DIPK1B: variants seen among roughly 807,000 people sequenced by gnomAD.
DIPK1B encodes divergent protein kinase domain 1B, also known as family with sequence similarity 69 member B.
DIPK1B carries 17 observed loss-of-function variants against 20.7 expected under a neutral mutation model. That is an observed-to-expected ratio of 0.82 (90% CI 0.56 to 1.23). The LOEUF is 1.23. Among genes scored for constraint, DIPK1B ranks in the 50% most tolerant of loss-of-function variants. DIPK1B has a pLI of 0.00. For missense variants in DIPK1B, 648 were observed against 601.8 expected, an observed-to-expected ratio of 1.08 and a Z score of -0.80; for synonymous variants, 343 against 276.5, an observed-to-expected ratio of 1.24 and a Z score of -2.39.
chr9:136,718,824 C>T (rs1484363950), intron 2 of DIPK1B, among the ~76,000 whole-genome samples: 1 of 152,206 alleles, frequency 6.6e-6, no homozygotes, highest in East Asian at 1.9e-4. Context: ...CCCACAGAGC[C>T]ATGTCTGACG....
Position 136,712,590 on chromosome 9 carries a change from C to T in DIPK1B, c.-76C>T, listed in dbSNP as rs930214753. The T allele has an allele frequency of 2.6e-5, 17 of 661,086 alleles. No homozygotes were observed. Among genetic ancestry groups the T allele is most frequent in the African/African-American group, 4.0e-5 (2 of 50,378 alleles). 41.0% of individuals were successfully genotyped at this position (661,086 alleles called of 1,614,324 possible). ...GGCCCGCATGGCGAGGGAGCGGCGG[C>T]CGCTGCGGGCCGGGCCGGGCCGGGG... On this transcript the variant is annotated 5_prime_UTR_variant, in exon 1 of 5. Coordinates refer to ENST00000371692, the MANE Select transcript of DIPK1B (RefSeq NM_152421.4). This position sits in a 1 kb window ranked among gnomAD's most constrained non-coding sequence, Gnocchi z 5.6.
intron 2 of DIPK1B, among the ~76,000 whole-genome samples, chr9:136,720,502 C>T (rs1846581506): frequency 6.6e-6 from 1 of 152,200 alleles, no homozygotes; most frequent in South Asian, 2.1e-4. Flanking sequence ...CAGCTCCATC[C>T]CTCCATCACC....
intron 4 of DIPK1B, 200 bp downstream of exon 4, chr9:136,722,501 G>T (rs1403801438): frequency 7.5e-6 from 5 of 665,878 alleles, no homozygotes; most frequent in Non-Finnish European, 1.0e-5. Flanking sequence ...AAGGGTTGGG[G>T]GCGCCGGTGG....
chr9:136,712,747 CG>C lies in DIPK1B; in HGVS notation c.63+20del. 1 of 1,331,730 alleles carries C rather than the reference CG, an allele frequency of 7.5e-7. No homozygotes were observed. 82.5% of individuals were successfully genotyped at this position (1,331,730 alleles called of 1,614,324 possible). A position where few individuals can be genotyped will look rare whatever the true frequency, so the allele number is the denominator to read the frequency against. ...CCTGCAGGTAAGCGCGGTGCGCGCCCGCCGCCCCCGGCCGCCTCTGCCTGGG... is the reference window on the plus strand; with the variant it reads ...CCTGCAGGTAAGCGCGGTGCGCGCCCCCGCCCCCGGCCGCCTCTGCCTGGG... On this transcript the variant is annotated intron_variant, in intron 1 of 4. Transcript: ENST00000371692. This position sits in a 1 kb window ranked among gnomAD's most constrained non-coding sequence, Gnocchi z 5.6.
At chr9:136,722,422 C>A in intron 4 of DIPK1B, 121 bp downstream of exon 4, 1 of 1,126,054 alleles carries the variant, frequency 8.9e-7, no homozygotes, top group Non-Finnish European at 1.3e-6. Context: ...GGACCCTGGG[C>A]AGACCTCCCA....
chr9:136,721,685 G>A (rs2131046977), intron 2 of DIPK1B: 1 of 538,274 alleles, frequency 1.9e-6, no homozygotes, highest in East Asian at 3.2e-5. Flanking sequence ...ACAGGAGCCA[G>A]GATGGTGGGG....
chr9:136,722,061 G>A, intron 3 of DIPK1B, 33 bp downstream of exon 3: 1 of 1,613,418 alleles, frequency 6.2e-7, no homozygotes, highest in Non-Finnish European at 8.5e-7. Context: ...TGGGCCTGGG[G>A]CTGATACTGC....
chr9:136,722,034 G>C lies in DIPK1B; in HGVS notation c.306+6G>C. 1.2e-6 allele frequency: 2 copies of C among 1,613,460 alleles called. No homozygotes were observed. The highest frequency in any genetic ancestry group is 8.5e-7 in the Non-Finnish European group (1 of 1,179,922). On this transcript the variant is annotated splice_donor_region_variant and intron_variant, in intron 3 of 4. Coordinates refer to ENST00000371692, the MANE Select transcript of DIPK1B (RefSeq NM_152421.4). Reference sequence around the variant, plus strand: ...CGGTGGCCCCGGGCCAGCAGGTATAGCCACTGGCAGGGCGGGTGGGCCTGG... The same window carrying C: ...CGGTGGCCCCGGGCCAGCAGGTATACCCACTGGCAGGGCGGGTGGGCCTGG...
intron 1 of DIPK1B, among the ~76,000 whole-genome samples, chr9:136,716,849 GTC>G (rs1006068458): frequency 1.3e-5 from 2 of 152,212 alleles, no homozygotes. Flanking sequence ...TAGGGGCAGT[GTC>G]TCTCGCGGTG....
At chr9:136,715,571 A>G (rs536583446) in intron 1 of DIPK1B, among the ~76,000 whole-genome samples, 152 of 151,544 alleles carry the variant, frequency 1.0e-3, no homozygotes, top group Non-Finnish European at 1.7e-3. Context: ...CTGGAGTGCA[A>G]TGGCGCCATC....
chr9:136,715,021 C>T (rs960969127), intron 1 of DIPK1B, among the ~76,000 whole-genome samples: 29 of 152,364 alleles, frequency 1.9e-4, no homozygotes, highest in Admixed American at 1.8e-3. Flanking sequence ...CTGCAGCCCA[C>T]GACCTCTGAT....
Position 136,723,789 on chromosome 9 carries a change from G to T in DIPK1B, c.*15G>T, listed in dbSNP as rs1249930233. The T allele has an allele frequency of 6.5e-7, 1 of 1,531,062 alleles. No individual in the cohort carries two copies. Among genetic ancestry groups the T allele is most frequent in the African/African-American group, 1.4e-5 (1 of 72,924 alleles). The allele number at this position is 1,531,062 out of a possible 1,614,324, so 94.8% of individuals were successfully genotyped here. On this transcript the variant is annotated 3_prime_UTR_variant, in exon 5 of 5. Coordinates refer to ENST00000371692, the MANE Select transcript of DIPK1B (RefSeq NM_152421.4). Reference sequence around the variant, plus strand: ...AGTACTCTTGATGGGGCAGTGAGGGGCCTGGCCACCCTTCCTGGAGCTGGC... The same window carrying T: ...AGTACTCTTGATGGGGCAGTGAGGGTCCTGGCCACCCTTCCTGGAGCTGGC...
intron 2 of DIPK1B, among the ~76,000 whole-genome samples, chr9:136,718,387 G>A (rs1846535765): frequency 6.6e-6 from 1 of 152,186 alleles, no homozygotes; most frequent in South Asian, 2.1e-4. Context: ...TCCACCTCAG[G>A]GAGATAGGGC....
chr9:136,721,793 T>G, intron 2 of DIPK1B, 128 bp from the exon 3 acceptor site: 2 of 764,686 alleles, frequency 2.6e-6, no homozygotes, highest in Non-Finnish European at 4.2e-6. Context: ...GCACTGCCTG[T>G]GTGAGGGGCT....
Position 136,712,709 on chromosome 9 carries a change from C to A in DIPK1B, c.44C>A (p.Pro15His). Residue 15 changes from proline to histidine, a missense_variant, in exon 1 of 5, where the codon CCC becomes CAC. By Grantham distance (77) the Pro-to-His change is moderately conservative (BLOSUM62 -2). Coordinates refer to ENST00000371692, the MANE Select transcript of DIPK1B (RefSeq NM_152421.4). This position sits in a 1 kb window ranked among gnomAD's most constrained non-coding sequence, Gnocchi z 5.6. ...CTGGCGCACCTGGTGCTCTTCTGCC[C>A]CTTCTCCAAGCGCCTGCAGGTAAGC... is the stretch of plus-strand genomic sequence containing the variant. ...RRLAHLVLFCPFSKRLQGRLP... is the reference protein window; with the variant it reads ...RRLAHLVLFCHFSKRLQGRLP... 1 of 1,368,956 alleles carries A rather than the reference C, an allele frequency of 7.3e-7. No homozygotes were observed. The highest frequency in any genetic ancestry group is 9.4e-7 in the Non-Finnish European group (1 of 1,062,380). The allele number at this position is 1,368,956 out of a possible 1,614,324, so 84.8% of individuals were successfully genotyped here.
At position 136,717,660 on chromosome 9, in the gene DIPK1B, C is replaced by T. The variant is rs757738913; in HGVS notation, c.147C>T (p.His49=). Residue 49 remains histidine (H), a synonymous_variant, in exon 2 of 5, where the codon CAC becomes CAT. Coordinates refer to ENST00000371692, the MANE Select transcript of DIPK1B (RefSeq NM_152421.4). Reference sequence around the variant, plus strand: ...CAGGCAGCTGGCTGGTGTACGTGCACTACTCGTCCTACTCGGAGCGCTGTC... The same window carrying T: ...CAGGCAGCTGGCTGGTGTACGTGCATTACTCGTCCTACTCGGAGCGCTGTC... The part of the protein sequence containing the change: ...VFAGSWLVYV[H]YSSYSERCRG... 3.7e-6 allele frequency: 6 copies of T among 1,609,316 alleles called. No homozygotes were observed. The highest frequency in any genetic ancestry group is 2.7e-5 in the African/African-American group (2 of 74,924).
At chr9:136,718,788 C>T (rs1416542849) in intron 2 of DIPK1B, among the ~76,000 whole-genome samples, 1 of 152,190 alleles carries the variant, frequency 6.6e-6, no homozygotes, top group African/African-American at 2.4e-5. Flanking sequence ...ATGAAGCTAG[C>T]CGGGTGGGCC....
chr9:136,717,144 A>G (rs1028681293), intron 1 of DIPK1B, among the ~76,000 whole-genome samples: 2 of 151,218 alleles, frequency 1.3e-5, no homozygotes, highest in African/African-American at 2.4e-5. Context: ...CAGGAGAATC[A>G]CTTGAACCCG....
At chr9:136,718,226 C>T (rs1462698192) in intron 2 of DIPK1B, among the ~76,000 whole-genome samples, 1 of 34,618 alleles carries the variant, frequency 2.9e-5, no homozygotes, top group African/African-American at 7.9e-5. Context: ...CCACTGTGTG[C>T]TGGCCTCACT....
Sources: allele counts gnomAD v4.1 joint callset (sites outside exome capture counted in the v4.1 genomes callset), GRCh38; gene constraint gnomAD v4.1.1; non-coding constraint Gnocchi (gnomAD v3.1); transcripts MANE v1.5; gene names NCBI Gene and HGNC (gene_info 2026-07-23, HGNC 2026-07-21).